The following CMTM8 variants were observed in gnomAD, a reference collection of about 807,000 sequenced individuals.
CMTM8 encodes the protein CKLF like MARVEL transmembrane domain containing 8.
CMTM8 carries 12 observed loss-of-function variants against 18.6 expected under a neutral mutation model. That is an observed-to-expected ratio of 0.65 (90% CI 0.41 to 1.05). The LOEUF is 1.05. Ranked by LOEUF, CMTM8 falls within the 50% of genes least tolerant of loss-of-function variation. The pLI, the probability that CMTM8 is intolerant of heterozygous loss-of-function variation, is 0.00. For synonymous variants in CMTM8, 87 were observed against 90.6 expected, an observed-to-expected ratio of 0.96 and a Z score of 0.23; for missense variants, 217 against 227.2, an observed-to-expected ratio of 0.95 and a Z score of 0.29.
At chr3:32,344,498 A>G (rs1696557411) in intron 1 of CMTM8, among the ~76,000 whole-genome samples, 1 of 152,218 alleles carries the variant, frequency 6.6e-6, no homozygotes, top group Non-Finnish European at 1.5e-5. Flanking sequence ...ACACTTTTTA[A>G]CACTGCCATC....
chr3:32,323,737 C>A (rs950637090), intron 1 of CMTM8, among the ~76,000 whole-genome samples: 1 of 152,188 alleles, frequency 6.6e-6, no homozygotes, highest in Admixed American at 6.5e-5. Flanking sequence ...ATGAGTAAAA[C>A]CTCTGGAAGT....
At chr3:32,357,666 A>C in intron 2 of CMTM8, 120 bp downstream of exon 2, 1 of 949,336 alleles carries the variant, frequency 1.1e-6, no homozygotes. Context: ...ACCATGGAGA[A>C]CTCAACACAG....
intron 1 of CMTM8, among the ~76,000 whole-genome samples, chr3:32,286,711 G>A: frequency 6.6e-6 from 1 of 152,102 alleles, no homozygotes; most frequent in Non-Finnish European, 1.5e-5. Flanking sequence ...GAAAGAAGAA[G>A]AATTGTCTTG....
At chr3:32,241,576 G>A (rs1041260644) in intron 1 of CMTM8, among the ~76,000 whole-genome samples, 2 of 152,204 alleles carry the variant, frequency 1.3e-5, no homozygotes, top group Non-Finnish European at 2.9e-5. Context: ...TAACCTAAGT[G>A]TTCTGAGCAC....
chr3:32,326,752 G>A (rs1696166022), intron 1 of CMTM8, among the ~76,000 whole-genome samples: 1 of 152,090 alleles, frequency 6.6e-6, no homozygotes, highest in Non-Finnish European at 1.5e-5. Context: ...CTGACCTCAA[G>A]TGATCCACCT....
At chr3:32,291,024 A>C (rs1418936412) in intron 1 of CMTM8, among the ~76,000 whole-genome samples, 1 of 152,230 alleles carries the variant, frequency 6.6e-6, no homozygotes, top group Non-Finnish European at 1.5e-5. Context: ...CTGGGATTAC[A>C]GGCGTGAACC....
chr3:32,261,093 A>G (rs1258295354), intron 1 of CMTM8, among the ~76,000 whole-genome samples: 1 of 151,808 alleles, frequency 6.6e-6, no homozygotes, highest in East Asian at 1.9e-4. Context: ...GTGGCGGTGC[A>G]TGACTGTAGT....
In CMTM8 at chr3:32,359,152, A is replaced by G. The variant is rs182252235; in HGVS notation, c.321+1606A>G. 1.7e-3 allele frequency among the ~76,000 whole-genome samples: 261 copies of G among 152,328 alleles called. 3 individuals carry two copies. The highest frequency in any genetic ancestry group is 6.1e-3 in the African/African-American group (252 of 41,586). On this transcript the variant is annotated intron_variant, in intron 2 of 3. Coordinates refer to ENST00000307526, the MANE Select transcript of CMTM8 (RefSeq NM_178868.5). ...TATGTTATCTAGATCAGCAATTGGCATGCTGTCTCTGTAAAGGACCAGATA... is the reference window on the plus strand; with the variant it reads ...TATGTTATCTAGATCAGCAATTGGCGTGCTGTCTCTGTAAAGGACCAGATA...
intron 1 of CMTM8, among the ~76,000 whole-genome samples, chr3:32,254,629 T>A (rs1702154209): frequency 6.6e-6 from 1 of 152,156 alleles, no homozygotes; most frequent in Non-Finnish European, 1.5e-5. Context: ...AATCATGATA[T>A]ATAATTATAT....
At chr3:32,264,907 C>A (rs1014773906) in intron 1 of CMTM8, among the ~76,000 whole-genome samples, 1 of 152,170 alleles carries the variant, frequency 6.6e-6, no homozygotes, top group Non-Finnish European at 1.5e-5. Context: ...AGCTGACTAT[C>A]CTAAATATAT....
intron 1 of CMTM8, among the ~76,000 whole-genome samples, chr3:32,251,779 A>T (rs1420332549): frequency 2.7e-5 from 4 of 146,428 alleles, no homozygotes; most frequent in Non-Finnish European, 6.1e-5. Context: ...ATATAGGGGA[A>T]TTTTTTTTTT....
intron 1 of CMTM8, among the ~76,000 whole-genome samples, chr3:32,295,745 C>A (rs1026827636): frequency 1.3e-5 from 2 of 152,116 alleles, no homozygotes; most frequent in Non-Finnish European, 2.9e-5. Flanking sequence ...AAACCCCTAG[C>A]AGCTCCTCAT....
chr3:32,367,231 T>C (rs1229125594), intron 2 of CMTM8, among the ~76,000 whole-genome samples: 1 of 152,316 alleles, frequency 6.6e-6, no homozygotes, highest in Middle Eastern at 3.4e-3. Flanking sequence ...CATGGTTTCT[T>C]AGAGTTTAGA....
intron 1 of CMTM8, among the ~76,000 whole-genome samples, chr3:32,273,164 C>CGTGT (rs1553603072): frequency 3.3e-5 from 2 of 60,270 alleles, no homozygotes; most frequent in Non-Finnish European, 7.5e-5. Flanking sequence ...TGTGTGTGTA[C>CGTGT]GTGCCCAGGC....
intron 1 of CMTM8, among the ~76,000 whole-genome samples, chr3:32,306,854 C>T (rs1484061268): frequency 2.0e-5 from 3 of 152,158 alleles, no homozygotes; most frequent in Admixed American, 2.0e-4. Flanking sequence ...ACATTAGGTC[C>T]TTGGGTGCCT....
At chr3:32,368,044 G>A (rs749893647) in intron 3 of CMTM8, 56 bp downstream of exon 3, 31 of 1,240,350 alleles carry the variant, frequency 2.5e-5, no homozygotes, top group Admixed American at 5.1e-5. Context: ...AGGCTTGCTT[G>A]GGATTGGGGA....
At chr3:32,296,171 C>T (rs1325446275) in intron 1 of CMTM8, among the ~76,000 whole-genome samples, 5 of 151,836 alleles carry the variant, frequency 3.3e-5, no homozygotes, top group Middle Eastern at 3.2e-3. Flanking sequence ...TGAGGTCTCA[C>T]TATGTTGCCC....
At chr3:32,241,163 T>G (rs1701942315) in intron 1 of CMTM8, among the ~76,000 whole-genome samples, 1 of 152,190 alleles carries the variant, frequency 6.6e-6, no homozygotes, top group Non-Finnish European at 1.5e-5. Context: ...CTCTTTGAGC[T>G]CTAAACAACG....
chr3:32,351,095 A>T (rs1414000445), intron 1 of CMTM8, among the ~76,000 whole-genome samples: 1 of 152,248 alleles, frequency 6.6e-6, no homozygotes, highest in Non-Finnish European at 1.5e-5. Flanking sequence ...GCTAAAATAC[A>T]TGAAATACAT....
Sources: gnomAD v4.1 joint callset for allele counts (sites outside exome capture counted in the v4.1 genomes callset) on GRCh38, gnomAD v4.1.1 for gene constraint, MANE v1.5 for transcripts, NCBI Gene and HGNC (gene_info 2026-07-23, HGNC 2026-07-21) for gene names.